TUSC3: variants seen among roughly 807,000 people sequenced by gnomAD.
The protein encoded by TUSC3 is tumor suppressor candidate 3.
A neutral mutation model predicts 44.8 loss-of-function variants in TUSC3; 45 were observed. The observed-to-expected ratio is 1.00, with a 90% CI of 0.79 to 1.29. TUSC3 has a LOEUF of 1.29. TUSC3 is among the 50% of genes most tolerant of loss of function. TUSC3 has a pLI of 0.00. For synonymous variants in TUSC3, 212 were observed against 152.9 expected (o/e 1.39, Z -2.85); for missense variants, 519 against 437.9 (o/e 1.19, Z -1.65).
chr8:15,561,789 T>C (rs1802476528), intron 1 of TUSC3: 1 of 151,596 alleles, frequency 6.6e-6, no homozygotes, highest in Non-Finnish European at 1.5e-5. Flanking sequence ...CGTCACCCCT[T>C]TCTTTGACTC....
At chr8:15,507,370 C>T (rs962507680) in intron 2 of TUSC3, among the ~76,000 whole-genome samples, 2 of 151,976 alleles carry the variant, frequency 1.3e-5, no homozygotes, top group African/African-American at 2.4e-5. Context: ...ACTTTGATCC[C>T]TTTATAGTTC....
intron 7 of TUSC3, among the ~76,000 whole-genome samples, chr8:15,731,539 T>C (rs1392303962): frequency 2.6e-5 from 4 of 152,234 alleles, no homozygotes; most frequent in Non-Finnish European, 5.9e-5. Context: ...AGGCCAAACC[T>C]CATTTTATAT....
chr8:15,485,689 A>C (rs1800724878), intron 2 of TUSC3, among the ~76,000 whole-genome samples: 1 of 152,170 alleles, frequency 6.6e-6, no homozygotes, highest in African/African-American at 2.4e-5. Flanking sequence ...AATGAAGAGT[A>C]GGAGGGGAAA....
chr8:15,635,889 C>T (rs1023772101), intron 2 of TUSC3, among the ~76,000 whole-genome samples: 1 of 152,032 alleles, frequency 6.6e-6, no homozygotes, highest in Non-Finnish European at 1.5e-5. Context: ...GATTATGGGT[C>T]CTCACTGTGG....
intron 1 of TUSC3, among the ~76,000 whole-genome samples, chr8:15,448,521 C>G (rs1054641124): frequency 2.6e-5 from 4 of 152,026 alleles, no homozygotes; most frequent in African/African-American, 7.3e-5. Context: ...CCTAGTCTTT[C>G]AAATGTTCTA....
the TUSC3 span, among the ~76,000 whole-genome samples, chr8:15,825,802 T>C: frequency 6.6e-6 from 1 of 152,162 alleles, no homozygotes; most frequent in Non-Finnish European, 1.5e-5. Context: ...CTTGGCTATT[T>C]TACCTTAAGT....
intron 2 of TUSC3, among the ~76,000 whole-genome samples, chr8:15,531,533 T>G (rs992044696): frequency 6.6e-6 from 1 of 152,226 alleles, no homozygotes; most frequent in African/African-American, 2.4e-5. Flanking sequence ...ATTACAGGCG[T>G]GAGCCTCTGT....
At chr8:15,618,542 T>A (rs773961066) in intron 1 of TUSC3, among the ~76,000 whole-genome samples, 2 of 152,176 alleles carry the variant, frequency 1.3e-5, no homozygotes, top group Non-Finnish European at 2.9e-5. Flanking sequence ...TGGGGGGTCT[T>A]CAGGTGCAAT....
chr8:15,811,841 T>C, the TUSC3 span, among the ~76,000 whole-genome samples: 2 of 152,008 alleles, frequency 1.3e-5, no homozygotes, highest in Admixed American at 6.6e-5. Context: ...TTTGTCTGAG[T>C]AGCAAAAGCC....
In TUSC3 at chr8:15,765,059, A is replaced by T. The variant is rs889643648; in HGVS notation, c.*903A>T. 1 of 152,052 alleles carries T rather than the reference A, an allele frequency of 6.6e-6. No homozygotes were observed. Among genetic ancestry groups the T allele is most frequent in the Non-Finnish European group, 1.5e-5 (1 of 67,938 alleles). 9.4% of individuals were successfully genotyped at this position (152,052 alleles called of 1,614,324 possible). ...TATCCTAGGATTAGTGAATGATTCAATGAAGCTTTCTTGAAAACAAACATA... is the reference window on the plus strand; with the variant it reads ...TATCCTAGGATTAGTGAATGATTCATTGAAGCTTTCTTGAAAACAAACATA... On this transcript the variant is annotated 3_prime_UTR_variant, in exon 11 of 11. Transcript: ENST00000503731.
chr8:15,816,265 G>A, the TUSC3 span, among the ~76,000 whole-genome samples: 1 of 152,138 alleles, frequency 6.6e-6, no homozygotes, highest in Non-Finnish European at 1.5e-5. Flanking sequence ...GGTTTGCAGA[G>A]GGGATAGTGG....
At chr8:15,775,708 A>T in the TUSC3 span, among the ~76,000 whole-genome samples, 1 of 146,260 alleles carries the variant, frequency 6.8e-6, no homozygotes, top group Non-Finnish European at 1.5e-5. Context: ...ACATATATAC[A>T]TATATATACA....
At chr8:15,511,729 GC>G (rs1467775525) in intron 2 of TUSC3, among the ~76,000 whole-genome samples, 2 of 152,184 alleles carry the variant, frequency 1.3e-5, no homozygotes, top group East Asian at 3.9e-4. Context: ...AATTAGCCGG[GC>G]GTGGTGGTGG....
Position 15,757,849 on chromosome 8 carries a change from A to G in TUSC3, c.*40A>G. 7.3e-7 allele frequency: 1 copy of G among 1,373,812 alleles called. No individual in the cohort carries two copies. Among genetic ancestry groups the G allele is most frequent in the Non-Finnish European group, 1.0e-6 (1 of 961,144 alleles). The allele number at this position is 1,373,812 out of a possible 1,614,324, so 85.1% of individuals were successfully genotyped here. ...GACCATGGCACTTAAAAACTCTATAACCTCAGGCAAGTCTTTTAATCTTCT... is the reference window on the plus strand; with the variant it reads ...GACCATGGCACTTAAAAACTCTATAGCCTCAGGCAAGTCTTTTAATCTTCT... On this transcript the variant is annotated 3_prime_UTR_variant, in exon 10 of 11. Coordinates refer to ENST00000503731, the MANE Select transcript of TUSC3 (RefSeq NM_006765.4).
intron 1 of TUSC3, among the ~76,000 whole-genome samples, chr8:15,464,178 G>A (rs1278148656): frequency 2.0e-5 from 3 of 152,170 alleles, no homozygotes; most frequent in Non-Finnish European, 4.4e-5. Context: ...TCCAGAGTCT[G>A]TTTAACTAGA....
At chr8:15,624,746 C>G (rs1805414214) in intron 2 of TUSC3, among the ~76,000 whole-genome samples, 1 of 152,092 alleles carries the variant, frequency 6.6e-6, no homozygotes, top group Admixed American at 6.6e-5. Flanking sequence ...CAGTTTGTGA[C>G]TTGTATTTTC....
chr8:15,703,443 A>T (rs1484127569), intron 6 of TUSC3, among the ~76,000 whole-genome samples: 2 of 152,110 alleles, frequency 1.3e-5, no homozygotes, highest in Non-Finnish European at 2.9e-5. Flanking sequence ...ACATTTTTTA[A>T]ACATTCATTA....
intron 1 of TUSC3, among the ~76,000 whole-genome samples, chr8:15,619,110 T>C (rs1000085187): frequency 7.2e-5 from 11 of 152,210 alleles, no homozygotes; most frequent in Admixed American, 5.2e-4. Context: ...AAAATCGTTT[T>C]GTGGATTTTA....
chr8:15,567,498 C>A (rs1348825246), intron 1 of TUSC3, among the ~76,000 whole-genome samples: 1 of 152,130 alleles, frequency 6.6e-6, no homozygotes, highest in South Asian at 2.1e-4. Context: ...CTTAAGATTC[C>A]TCTTAAATAG....
Sources: allele counts gnomAD v4.1 joint callset (sites outside exome capture counted in the v4.1 genomes callset), GRCh38; gene constraint gnomAD v4.1.1; transcripts MANE v1.5; gene names NCBI Gene and HGNC (gene_info 2026-07-23, HGNC 2026-07-21).